UBASH3B: variants seen among roughly 807,000 people sequenced by gnomAD.
The protein encoded by UBASH3B is ubiquitin-associated and SH3 domain-containing protein B.
A neutral mutation model predicts 83.4 loss-of-function variants in UBASH3B; 37 were observed. The ratio of observed to expected loss-of-function variants is 0.44; its 90% CI spans 0.34 to 0.58. The LOEUF is 0.58. UBASH3B is among the 20% of genes least tolerant of loss of function. The probability of loss-of-function intolerance (pLI) is 0.01; values close to 1 mark genes in which losing one functional copy is unlikely to be tolerated. For missense variants in UBASH3B, 657 were observed against 827.2 expected (o/e 0.79, Z 2.52); for synonymous variants, 304 against 318.3 (o/e 0.96, Z 0.48).
At position 122,796,378 on chromosome 11, in the gene UBASH3B, C is replaced by T. The variant is rs147549518; in HGVS notation, c.1234+102C>T. 26 of 1,516,476 alleles carry T rather than the reference C, an allele frequency of 1.7e-5. No individual in the cohort carries two copies. The African/African-American group carries it at 2.1e-4, about 12-fold the overall frequency. 93.9% of individuals were successfully genotyped at this position (1,516,476 alleles called of 1,614,324 possible). On this transcript the variant is annotated intron_variant, in intron 8 of 13. Coordinates refer to ENST00000284273, the MANE Select transcript of UBASH3B (RefSeq NM_032873.5). ...CTAGATGGAGTCATTCATAGTTTTG[C>T]GTACTATAGAAGATGTCTGTCATGT...
At chr11:122,682,551 A>G (rs1052406876) in intron 1 of UBASH3B, among the ~76,000 whole-genome samples, 2 of 152,094 alleles carry the variant, frequency 1.3e-5, no homozygotes, top group Non-Finnish European at 2.9e-5. Context: ...TTTCTCCTTC[A>G]TTTGGTTCCT....
chr11:122,775,588 CATA>C (rs1174987234), intron 1 of UBASH3B: 1 of 152,170 alleles, frequency 6.6e-6, no homozygotes, highest in African/African-American at 2.4e-5. Context: ...GCCTGGGCAA[CATA>C]ATGATATCCT....
chr11:122,785,601 C>T (rs545897343), intron 5 of UBASH3B, among the ~76,000 whole-genome samples: 19 of 152,312 alleles, frequency 1.2e-4, no homozygotes, highest in African/African-American at 4.6e-4. Flanking sequence ...GTTTAATATA[C>T]CAACCGATAG....
At chr11:122,768,470 ATGTGTGTGTG>A (rs568912747) in intron 1 of UBASH3B, among the ~76,000 whole-genome samples, 20 of 140,138 alleles carry the variant, frequency 1.4e-4, no homozygotes, top group African/African-American at 4.6e-4. Context: ...ATATATATGT[ATGTGTGTGTG>A]TGTGTGTGTG....
intron 1 of UBASH3B, among the ~76,000 whole-genome samples, chr11:122,699,531 C>CTG (rs200613782): frequency 9.3e-6 from 1 of 107,866 alleles, no homozygotes; most frequent in Non-Finnish European, 1.9e-5. Flanking sequence ...TTCTTTCTTT[C>CTG]TCTTTCTTTC....
chr11:122,751,107 C>T (rs1421524528), intron 1 of UBASH3B, among the ~76,000 whole-genome samples: 1 of 64,058 alleles, frequency 1.6e-5, no homozygotes, highest in African/African-American at 3.4e-5. Flanking sequence ...TTTACGCTTC[C>T]CGGCCTCTCA....
chr11:122,703,490 T>C (rs1864075941), intron 1 of UBASH3B, among the ~76,000 whole-genome samples: 1 of 151,832 alleles, frequency 6.6e-6, no homozygotes, highest in Admixed American at 6.6e-5. Context: ...AAATAAATAG[T>C]GTCAAATGAT....
intron 1 of UBASH3B, among the ~76,000 whole-genome samples, chr11:122,771,805 C>T (rs1028379505): frequency 1.6e-4 from 24 of 150,790 alleles, no homozygotes; most frequent in African/African-American, 5.9e-4. Flanking sequence ...ATAATAATCA[C>T]CTTTTTATTC....
At chr11:122,754,731 T>G (rs1205881348) in intron 1 of UBASH3B, among the ~76,000 whole-genome samples, 2 of 152,144 alleles carry the variant, frequency 1.3e-5, no homozygotes, top group African/African-American at 2.4e-5. Context: ...ACTTCCTCCC[T>G]CTGGTGGACA....
At chr11:122,725,328 C>CAAAAAAAAAAAAAAAA (rs527272428) in intron 1 of UBASH3B, among the ~76,000 whole-genome samples, 1 of 87,956 alleles carries the variant, frequency 1.1e-5, no homozygotes, top group Non-Finnish European at 2.2e-5. Flanking sequence ...GCACCATAAA[C>CAAAAAAAAAAAAAAAA]AAAAAAAAAA....
At chr11:122,690,188 A>ATCCAAT (rs1223332195) in intron 1 of UBASH3B, among the ~76,000 whole-genome samples, 5 of 21,902 alleles carry the variant, frequency 2.3e-4, no homozygotes, top group African/African-American at 7.3e-4. Context: ...ATATATATAT[A>ATCCAAT]TATATATATA....
At chr11:122,714,596 T>C (rs1860475465) in intron 1 of UBASH3B, among the ~76,000 whole-genome samples, 1 of 152,242 alleles carries the variant, frequency 6.6e-6, no homozygotes, top group Admixed American at 6.5e-5. Context: ...GTTCTGCTGC[T>C]TCACGGTCGT....
chr11:122,745,304 T>C (rs1861100234), intron 1 of UBASH3B, among the ~76,000 whole-genome samples: 1 of 152,212 alleles, frequency 6.6e-6, no homozygotes, highest in African/African-American at 2.4e-5. Flanking sequence ...CATTTTCCTA[T>C]TCCCAGTACT....
intron 11 of UBASH3B, among the ~76,000 whole-genome samples, chr11:122,805,625 A>C (rs1861327374): frequency 6.6e-6 from 1 of 152,222 alleles, no homozygotes; most frequent in African/African-American, 2.4e-5. Context: ...TGTGAGACTT[A>C]TTCACTATCA....
chr11:122,756,758 C>A (rs1442243094), intron 1 of UBASH3B, among the ~76,000 whole-genome samples: 1 of 152,212 alleles, frequency 6.6e-6, no homozygotes, highest in African/African-American at 2.4e-5. Flanking sequence ...ATCTCTTAGG[C>A]TGCTCCCTAT....
chr11:122,781,606 G>A (rs1436948443), intron 4 of UBASH3B, among the ~76,000 whole-genome samples: 6 of 152,202 alleles, frequency 3.9e-5, no homozygotes, highest in Non-Finnish European at 8.8e-5. Context: ...CCCTGGTGGG[G>A]ATGTGGAGAA....
chr11:122,712,537 T>C (rs1238823047), intron 1 of UBASH3B, among the ~76,000 whole-genome samples: 1 of 152,142 alleles, frequency 6.6e-6, no homozygotes, highest in Admixed American at 6.5e-5. Context: ...AGGGTCCTGT[T>C]GGTGCTCGCT....
At chr11:122,664,373 T>G (rs193106721) in intron 1 of UBASH3B, among the ~76,000 whole-genome samples, 8 of 152,240 alleles carry the variant, frequency 5.3e-5, no homozygotes, top group African/African-American at 1.9e-4. Context: ...GAATGGATCC[T>G]CTCTGCAGGG....
At chr11:122,741,561 C>T (rs754585366) in intron 1 of UBASH3B, among the ~76,000 whole-genome samples, 5 of 152,090 alleles carry the variant, frequency 3.3e-5, no homozygotes, top group Non-Finnish European at 7.4e-5. Flanking sequence ...CGTGAGTGAT[C>T]GAATACTCCA....
Sources: gnomAD v4.1 joint callset for allele counts (sites outside exome capture counted in the v4.1 genomes callset) on GRCh38, gnomAD v4.1.1 for gene constraint, MANE v1.5 for transcripts, NCBI Gene and HGNC (gene_info 2026-07-23, HGNC 2026-07-21) for gene names.